KCNH5: variants seen among roughly 807,000 people sequenced by gnomAD.
KCNH5 encodes voltage-gated delayed rectifier potassium channel KCNH5.
A neutral mutation model predicts 96.1 loss-of-function variants in KCNH5; 46 were observed. The ratio of observed to expected loss-of-function variants is 0.48; its 90% CI spans 0.38 to 0.61. The LOEUF is 0.61. Among genes scored for constraint, KCNH5 ranks in the 20% least tolerant of loss-of-function variants. KCNH5 has a pLI of 0.00. For synonymous variants in KCNH5, 439 were observed against 449.8 expected, an observed-to-expected ratio of 0.98 and a Z score of 0.30; for missense variants, 907 against 1,225.8, an observed-to-expected ratio of 0.74 and a Z score of 3.88.
intron 2 of KCNH5, among the ~76,000 whole-genome samples, chr14:63,013,654 C>T (rs911699375): frequency 2.6e-5 from 4 of 151,964 alleles, no homozygotes; most frequent in African/African-American, 7.2e-5. Flanking sequence ...GGGAAAAAAG[C>T]GATATGTAAA....
At chr14:62,876,328 T>C (rs754643476) in intron 7 of KCNH5, among the ~76,000 whole-genome samples, 6 of 152,234 alleles carry the variant, frequency 3.9e-5, no homozygotes, top group Non-Finnish European at 7.3e-5. Context: ...TCACCACTTC[T>C]ATTATATATT....
intron 6 of KCNH5, among the ~76,000 whole-genome samples, chr14:62,978,659 T>C (rs1311370796): frequency 6.6e-6 from 1 of 151,620 alleles, no homozygotes; most frequent in African/African-American, 2.4e-5. Context: ...ATGAGCTAAG[T>C]TGAGAGAATC....
intron 5 of KCNH5, among the ~76,000 whole-genome samples, chr14:62,981,520 T>G (rs1246032916): frequency 6.6e-6 from 1 of 152,250 alleles, no homozygotes; most frequent in Non-Finnish European, 1.5e-5. Flanking sequence ...CTGCTGGATG[T>G]CCACTTCTGC....
At chr14:62,877,014 C>G (rs1482904437) in intron 7 of KCNH5, among the ~76,000 whole-genome samples, 1 of 152,090 alleles carries the variant, frequency 6.6e-6, no homozygotes, top group Non-Finnish European at 1.5e-5. Flanking sequence ...TTGTTTTTCT[C>G]AAGTTTGTCA....
Position 62,802,555 on chromosome 14 carries a change from C to T in KCNH5, c.1596G>A (p.Met532Ile), listed in dbSNP as rs766654524. ...TTAGATGAACACAGATATCAGCTCTCATGTCCTTGGGACAGATGGAGAGGA... is the reference window on the plus strand; with the variant it reads ...TTAGATGAACACAGATATCAGCTCTTATGTCCTTGGGACAGATGGAGAGGA... ...EKVLSICPKD[M>I]RADICVHLNR... The change falls in exon 9 of 11, where the codon ATG becomes ATA. Residue 532 changes from methionine (M) to isoleucine (I), a missense_variant. Physicochemically the swap from Met to Ile is conservative, Grantham distance 10 (BLOSUM62 1). Coordinates refer to ENST00000322893, the MANE Select transcript of KCNH5 (RefSeq NM_139318.5). 6.2e-7 allele frequency: 1 copy of T among 1,614,080 alleles called. No individual in the cohort carries two copies. The highest frequency in any genetic ancestry group is 8.5e-7 in the Non-Finnish European group (1 of 1,179,984).
chr14:62,794,869 G>A (rs1366121406), intron 9 of KCNH5, among the ~76,000 whole-genome samples: 1 of 152,058 alleles, frequency 6.6e-6, no homozygotes, highest in Non-Finnish European at 1.5e-5. Flanking sequence ...TCTAGTTGAT[G>A]ACAAAAGCAA....
At chr14:62,982,308 A>G (rs1222030024) in intron 5 of KCNH5, among the ~76,000 whole-genome samples, 1 of 152,158 alleles carries the variant, frequency 6.6e-6, no homozygotes, top group East Asian at 1.9e-4. Context: ...CAGCCTGGCG[A>G]CAGAGCGAGA....
intron 8 of KCNH5, among the ~76,000 whole-genome samples, chr14:62,808,644 G>T (rs1002696529): frequency 2.0e-5 from 3 of 152,024 alleles, no homozygotes; most frequent in Non-Finnish European, 4.4e-5. Context: ...TGCTTTCTTT[G>T]GACTGTATTT....
chr14:62,948,198 G>A (rs1195192132), intron 7 of KCNH5, among the ~76,000 whole-genome samples: 3 of 152,134 alleles, frequency 2.0e-5, no homozygotes, highest in East Asian at 1.9e-4. Flanking sequence ...TGGTGTATAT[G>A]TGCCACATTT....
intron 8 of KCNH5, among the ~76,000 whole-genome samples, chr14:62,813,323 A>G (rs568055654): frequency 6.6e-6 from 1 of 152,298 alleles, no homozygotes; most frequent in South Asian, 2.1e-4. Flanking sequence ...TAGTGAAGTT[A>G]TTCTACTACC....
chr14:62,893,039 AT>A (rs1160019444), intron 7 of KCNH5, among the ~76,000 whole-genome samples: 4 of 152,208 alleles, frequency 2.6e-5, no homozygotes, highest in African/African-American at 9.6e-5. Context: ...ATTTAAGATA[AT>A]ATATTTCATA....
At chr14:62,744,983 G>A (rs1885346289) in intron 10 of KCNH5, among the ~76,000 whole-genome samples, 1 of 152,160 alleles carries the variant, frequency 6.6e-6, no homozygotes, top group Non-Finnish European at 1.5e-5. Flanking sequence ...GAAGTTGGGA[G>A]AAATAACCAG....
At chr14:62,913,104 T>C (rs894248074) in intron 7 of KCNH5, among the ~76,000 whole-genome samples, 1 of 152,246 alleles carries the variant, frequency 6.6e-6, no homozygotes, top group Non-Finnish European at 1.5e-5. Context: ...TGGGGTAAGT[T>C]AGTGATTTGT....
At chr14:63,036,244 CAGTT>C (rs1891719198) in intron 1 of KCNH5, among the ~76,000 whole-genome samples, 1 of 152,182 alleles carries the variant, frequency 6.6e-6, no homozygotes, top group Non-Finnish European at 1.5e-5. Context: ...TGGTCCATCA[CAGTT>C]AGAGACACTG....
chr14:62,853,458 T>TATATATATATATATATATATATATATATG, intron 7 of KCNH5, among the ~76,000 whole-genome samples: 1 of 43,984 alleles, frequency 2.3e-5, no homozygotes, highest in Non-Finnish European at 4.6e-5. Flanking sequence ...AGAATAATCA[T>TATATATATATATATATATATATATATATG]ATATATATAT....
intron 9 of KCNH5, among the ~76,000 whole-genome samples, chr14:62,781,909 T>C (rs1387679869): frequency 6.6e-6 from 1 of 152,220 alleles, no homozygotes; most frequent in East Asian, 1.9e-4. Context: ...GGGTATTGAA[T>C]GGGGAAGTGA....
At chr14:62,978,922 C>T (rs761384820) in intron 6 of KCNH5, among the ~76,000 whole-genome samples, 1 of 152,134 alleles carries the variant, frequency 6.6e-6, no homozygotes, top group Non-Finnish European at 1.5e-5. Context: ...GGTGAGAACA[C>T]TTTACACCCA....
At chr14:62,800,187 GT>G (rs1595628077) in intron 9 of KCNH5, among the ~76,000 whole-genome samples, 2 of 151,970 alleles carry the variant, frequency 1.3e-5, no homozygotes, top group South Asian at 2.1e-4. Flanking sequence ...AGAGTTGTCC[GT>G]ATAATTTGAC....
chr14:62,781,549 T>C (rs1232281010), intron 9 of KCNH5, among the ~76,000 whole-genome samples: 1 of 151,578 alleles, frequency 6.6e-6, no homozygotes, highest in Non-Finnish European at 1.5e-5. Context: ...CGGCGGGGGG[T>C]GGGGGGCAGT....
Sources: allele counts gnomAD v4.1 joint callset (sites outside exome capture counted in the v4.1 genomes callset), GRCh38; gene constraint gnomAD v4.1.1; transcripts MANE v1.5; gene names NCBI Gene and HGNC (gene_info 2026-07-23, HGNC 2026-07-21).